The following PDSS2 variants were observed in gnomAD, a reference collection of about 807,000 sequenced individuals.
PDSS2 encodes all trans-polyprenyl-diphosphate synthase PDSS2.
Under a neutral mutation model 44.5 loss-of-function variants are expected in PDSS2, and 31 were observed. That is an observed-to-expected ratio of 0.70 (90% CI 0.52 to 0.94). The LOEUF (loss-of-function observed/expected upper bound fraction) is 0.94. Among genes scored for constraint, PDSS2 ranks in the 40% least tolerant of loss-of-function variants. The pLI, the probability that PDSS2 is intolerant of heterozygous loss-of-function variation, is 0.00. For synonymous variants in PDSS2, 157 were observed against 180.3 expected (o/e 0.87, Z 1.03); for missense variants, 452 against 482.2 (o/e 0.94, Z 0.59).
intron 7 of PDSS2, among the ~76,000 whole-genome samples, chr6:107,164,098 T>A (rs1397080802): frequency 6.6e-6 from 1 of 152,182 alleles, no homozygotes; most frequent in Non-Finnish European, 1.5e-5. Flanking sequence ...TGGGAGTACC[T>A]ACTCATTGGG....
At chr6:107,205,376 A>G (rs1180347409) in intron 6 of PDSS2, among the ~76,000 whole-genome samples, 5 of 152,204 alleles carry the variant, frequency 3.3e-5, no homozygotes. Flanking sequence ...AACTAGAAGG[A>G]TCATTAAAAA....
chr6:107,196,200 C>A (rs1388160633), intron 6 of PDSS2, among the ~76,000 whole-genome samples: 1 of 152,212 alleles, frequency 6.6e-6, no homozygotes, highest in African/African-American at 2.4e-5. Flanking sequence ...TTATGGGCAT[C>A]TTTTCCCAAA....
chr6:107,205,407 TAGCC>T (rs1332427191), intron 6 of PDSS2, among the ~76,000 whole-genome samples: 1 of 152,208 alleles, frequency 6.6e-6, no homozygotes, highest in Non-Finnish European at 1.5e-5. Flanking sequence ...TGACCTGCAA[TAGCC>T]CCTGGACTCC....
intron 1 of PDSS2, among the ~76,000 whole-genome samples, chr6:107,406,926 G>T (rs1261278690): frequency 6.6e-6 from 1 of 152,200 alleles, no homozygotes; most frequent in African/African-American, 2.4e-5. Flanking sequence ...ATCTCCAGGG[G>T]AGATTAGAAA....
At chr6:107,171,433 G>A (rs1554248586) in intron 7 of PDSS2, among the ~76,000 whole-genome samples, 2 of 152,134 alleles carry the variant, frequency 1.3e-5, no homozygotes, top group East Asian at 3.9e-4. Context: ...AAAGTGCTAG[G>A]TAACAGGTGT....
In PDSS2 at chr6:107,157,643, G is replaced by A. The variant is rs544103581; in HGVS notation, c.1042-2866C>T. Reference sequence around the variant, plus strand: ...TCTGGGTACCTGGAGTACTCCCTGTGCACATCTGGAGTAGTGTATTGTTTT... The same window carrying A: ...TCTGGGTACCTGGAGTACTCCCTGTACACATCTGGAGTAGTGTATTGTTTT... On this transcript the variant is annotated intron_variant, in intron 7 of 7. Coordinates refer to ENST00000369037, the MANE Select transcript of PDSS2 (RefSeq NM_020381.4). Among the ~76,000 whole-genome samples the A allele has an allele frequency of 4.6e-4, 69 of 151,634 alleles. 2 individuals carry two copies. The highest frequency in any genetic ancestry group is 2.1e-3 in the South Asian group (10 of 4,768).
chr6:107,385,143 G>C (rs558760934), intron 1 of PDSS2, among the ~76,000 whole-genome samples: 15 of 152,210 alleles, frequency 9.9e-5, no homozygotes, highest in Admixed American at 3.9e-4. Flanking sequence ...AGTTTCTTTA[G>C]GAAGAGAGAT....
At chr6:107,402,726 T>TA (rs1409947452) in intron 1 of PDSS2, among the ~76,000 whole-genome samples, 2 of 151,202 alleles carry the variant, frequency 1.3e-5, no homozygotes, top group African/African-American at 4.9e-5. Context: ...GATGGTTTTA[T>TA]AAAAAGCAGT....
intron 2 of PDSS2, among the ~76,000 whole-genome samples, chr6:107,331,942 T>C (rs1260175688): frequency 6.6e-6 from 1 of 152,020 alleles, no homozygotes; most frequent in African/African-American, 2.4e-5. Flanking sequence ...ATCAATGGAA[T>C]TCCTAACCGA....
chr6:107,363,218 A>C (rs548593490), intron 1 of PDSS2, among the ~76,000 whole-genome samples: 1 of 152,258 alleles, frequency 6.6e-6, no homozygotes, highest in African/African-American at 2.4e-5. Context: ...ACAGAGATAT[A>C]CACATAGACA....
intron 1 of PDSS2, among the ~76,000 whole-genome samples, chr6:107,435,937 C>T (rs1781336465): frequency 7.9e-6 from 1 of 125,848 alleles, no homozygotes; most frequent in African/African-American, 3.0e-5. Context: ...AGTTACAGAA[C>T]ACAAAAATTG....
chr6:107,455,350 C>A (rs1375507265), intron 1 of PDSS2, among the ~76,000 whole-genome samples: 1 of 151,570 alleles, frequency 6.6e-6, no homozygotes, highest in East Asian at 1.9e-4. Context: ...ACCCTTTTCA[C>A]TTCTGTGCTT....
rs373840070 is a variant in PDSS2, at chr6:107,394,935, G to A, written c.297-60603C>T. On this transcript the variant is annotated intron_variant, in intron 1 of 7. Transcript: ENST00000369037. The stretch of plus-strand genomic sequence containing the variant: ...TGTAGCTCAGTTTCCATTAGGTATC[G>A]TTTCCCTTCTTTCTGAAGAACAATG... Among the ~76,000 whole-genome samples the A allele has an allele frequency of 1.4e-3, 217 of 152,146 alleles. 3 individuals are homozygous for A. The highest frequency in any genetic ancestry group is 4.9e-3 in the African/African-American group (203 of 41,512).
chr6:107,288,629 G>A (rs1582896744), intron 2 of PDSS2, among the ~76,000 whole-genome samples: 1 of 152,044 alleles, frequency 6.6e-6, no homozygotes, highest in South Asian at 2.1e-4. Context: ...CAGGAGCACA[G>A]ATGAGATTGG....
intron 1 of PDSS2, among the ~76,000 whole-genome samples, chr6:107,436,241 C>G (rs1781345837): frequency 6.6e-6 from 1 of 151,942 alleles, no homozygotes; most frequent in African/African-American, 2.4e-5. Flanking sequence ...AATCTTGGCC[C>G]TAGAGAATAA....
At chr6:107,426,501 C>T (rs1220237408) in intron 1 of PDSS2, among the ~76,000 whole-genome samples, 3 of 152,154 alleles carry the variant, frequency 2.0e-5, no homozygotes, top group Non-Finnish European at 2.9e-5. Context: ...ACTGGGGCAC[C>T]GTTTAGTGGA....
intron 1 of PDSS2, among the ~76,000 whole-genome samples, chr6:107,427,031 G>T (rs1437931001): frequency 2.6e-5 from 4 of 152,102 alleles, no homozygotes; most frequent in Admixed American, 6.5e-5. Flanking sequence ...ATGAGATTTA[G>T]GAGGGACCAG....
intron 3 of PDSS2, among the ~76,000 whole-genome samples, chr6:107,263,509 GCT>G (rs1775315132): frequency 6.6e-6 from 1 of 151,946 alleles, no homozygotes; most frequent in South Asian, 2.1e-4. Context: ...AGCTGCTCTT[GCT>G]CTTTTTCCTT....
intron 1 of PDSS2, among the ~76,000 whole-genome samples, chr6:107,414,196 A>C (rs1238458816): frequency 6.6e-6 from 1 of 152,236 alleles, no homozygotes; most frequent in Non-Finnish European, 1.5e-5. Flanking sequence ...AAATAGGGCT[A>C]TCTGGCTTTA....
Sources: allele counts gnomAD v4.1 joint callset (sites outside exome capture counted in the v4.1 genomes callset), GRCh38; gene constraint gnomAD v4.1.1; transcripts MANE v1.5; gene names NCBI Gene and HGNC (gene_info 2026-07-23, HGNC 2026-07-21).